Variants in CNPY1 observed in about 807,000 individuals in gnomAD.
The protein encoded by CNPY1 is canopy FGF signaling regulator 1.
Under a neutral mutation model 14.4 loss-of-function variants are expected in CNPY1, and 14 were observed. The observed-to-expected ratio is 0.97, with a 90% CI of 0.64 to 1.52. CNPY1 has a LOEUF of 1.52. Among genes scored for constraint, CNPY1 ranks in the 40% most tolerant of loss-of-function variants. The pLI is 0.00. For synonymous variants in CNPY1, 43 were observed against 46.5 expected (o/e 0.92, Z 0.31); for missense variants, 129 against 131.5 (o/e 0.98, Z 0.09).
intron 2 of CNPY1, among the ~76,000 whole-genome samples, chr7:155,535,498 G>A (rs979544155): frequency 2.0e-5 from 3 of 152,182 alleles, no homozygotes; most frequent in Non-Finnish European, 4.4e-5. Flanking sequence ...CTCAAGAAAT[G>A]TACAGAATCC....
chr7:155,534,329 ACG>A (rs1796995520), intron 2 of CNPY1, among the ~76,000 whole-genome samples: 1 of 79,012 alleles, frequency 1.3e-5, no homozygotes, highest in Admixed American at 1.2e-4. Context: ...ATGCACACAC[ACG>A]TGCACAGAGG....
chr7:155,539,955 G>A (rs1182089783), intron 2 of CNPY1, among the ~76,000 whole-genome samples: 1 of 152,122 alleles, frequency 6.6e-6, no homozygotes, highest in Non-Finnish European at 1.5e-5. Flanking sequence ...GAACTGCACC[G>A]TGAACACAGA....
intron 2 of CNPY1, among the ~76,000 whole-genome samples, chr7:155,533,090 C>A (rs1187625756): frequency 6.6e-6 from 1 of 152,244 alleles, no homozygotes; most frequent in Admixed American, 6.5e-5. Context: ...AGAGGATCTT[C>A]TATTGCAGTT....
At chr7:155,527,528 T>C (rs1161174624) in intron 2 of CNPY1, among the ~76,000 whole-genome samples, 1 of 144,214 alleles carries the variant, frequency 6.9e-6, no homozygotes, top group Non-Finnish European at 1.5e-5. Context: ...TGCAGCCTCG[T>C]CCTCTTGGGC....
intron 2 of CNPY1, among the ~76,000 whole-genome samples, chr7:155,516,512 C>T (rs1225475087): frequency 6.6e-6 from 1 of 152,118 alleles, no homozygotes; most frequent in Non-Finnish European, 1.5e-5. Flanking sequence ...AATAGGAACT[C>T]TCAGATGAGG....
intron 2 of CNPY1, among the ~76,000 whole-genome samples, chr7:155,514,041 G>A (rs1274856151): frequency 6.6e-6 from 1 of 152,212 alleles, no homozygotes; most frequent in African/African-American, 2.4e-5. Context: ...CCTCTTGGCT[G>A]TGCCCTCCGG....
At chr7:155,544,038 G>A (rs915987854) in intron 2 of CNPY1, among the ~76,000 whole-genome samples, 1 of 152,198 alleles carries the variant, frequency 6.6e-6, no homozygotes, top group Non-Finnish European at 1.5e-5. Context: ...TTTTCTCCAG[G>A]CAAACTTAAT....
At chr7:155,530,480 C>A (rs993173571) in intron 2 of CNPY1, among the ~76,000 whole-genome samples, 1 of 152,026 alleles carries the variant, frequency 6.6e-6, no homozygotes, top group Non-Finnish European at 1.5e-5. Context: ...ATGTGTACCA[C>A]CATGCCCAGC....
At chr7:155,519,018 A>C (rs1796670779) in intron 2 of CNPY1, among the ~76,000 whole-genome samples, 1 of 152,248 alleles carries the variant, frequency 6.6e-6, no homozygotes, top group Admixed American at 6.5e-5. Flanking sequence ...TCCTGGCTGC[A>C]AAATTTTTTG....
intron 1 of CNPY1, 38 bp downstream of exon 1, chr7:155,546,391 T>A (rs1797157292): frequency 2.5e-6 from 1 of 398,214 alleles, no homozygotes; most frequent in South Asian, 1.3e-4. Flanking sequence ...TCTCACTATG[T>A]TGCCCAGGTA....
chr7:155,507,095 A>C lies in CNPY1; in HGVS notation c.325T>G (p.Tyr109Asp). The stretch of plus-strand genomic sequence containing the variant: ...ATAAGTGAGGATATTTCATCTTCAT[A>C]CTCTTCTATTATAGTTTCACACTGT... The part of the protein sequence containing the change: ...KFACETIIEE[Y>D]EDEISSLIAQ... The change falls in exon 4 of 5, where the codon TAT becomes GAT. Residue 109 changes from tyrosine to aspartate, a missense_variant. Coordinates refer to ENST00000636446, the MANE Select transcript of CNPY1 (RefSeq NM_001393663.1). The C allele has an allele frequency of 1.2e-6, 2 of 1,606,660 alleles. No individual in the cohort carries two copies. The highest frequency in any genetic ancestry group is 1.7e-4 in the Middle Eastern group (1 of 6,048).
At chr7:155,523,196 A>T (rs560607004) in intron 2 of CNPY1, among the ~76,000 whole-genome samples, 6 of 152,334 alleles carry the variant, frequency 3.9e-5, no homozygotes, top group African/African-American at 1.4e-4. Context: ...TGCATTATGT[A>T]TTTAGACTTT....
At chr7:155,538,594 G>A (rs1188468884) in intron 2 of CNPY1, among the ~76,000 whole-genome samples, 3 of 152,272 alleles carry the variant, frequency 2.0e-5, no homozygotes, top group South Asian at 2.1e-4. Context: ...GGACGTCTGC[G>A]AATGCCCCAC....
intron 2 of CNPY1, among the ~76,000 whole-genome samples, chr7:155,528,998 T>A (rs1220210895): frequency 6.6e-6 from 1 of 151,838 alleles, no homozygotes; most frequent in Non-Finnish European, 1.5e-5. Flanking sequence ...AAGGCGGAGC[T>A]TGCAGTGAGC....
chr7:155,527,300 G>A (rs1796843988), intron 2 of CNPY1, among the ~76,000 whole-genome samples: 1 of 151,726 alleles, frequency 6.6e-6, no homozygotes, highest in Admixed American at 6.6e-5. Flanking sequence ...GCTGCCTGGT[G>A]TCTGAGCGAC....
intron 2 of CNPY1, among the ~76,000 whole-genome samples, chr7:155,519,987 A>G (rs1437561804): frequency 6.6e-6 from 1 of 152,126 alleles, no homozygotes; most frequent in East Asian, 1.9e-4. Flanking sequence ...AAAAATGATC[A>G]GTAACTCTGC....
intron 2 of CNPY1, among the ~76,000 whole-genome samples, chr7:155,522,565 AGG>A (rs1322258773): frequency 6.6e-6 from 1 of 152,236 alleles, no homozygotes; most frequent in African/African-American, 2.4e-5. Flanking sequence ...TCACAAAACC[AGG>A]TTAGATGCTG....
chr7:155,503,015 A>G lies in CNPY1; in HGVS notation c.*53T>C, dbSNP rs1296521723. ...CAACATGCAAACATAAAATGCAGAC[A>G]TTGACCTTTGGGTGTGACTTTACTC... On this transcript the variant is annotated 3_prime_UTR_variant, in exon 5 of 5. Coordinates refer to ENST00000636446, the MANE Select transcript of CNPY1 (RefSeq NM_001393663.1). 1 of 1,527,654 alleles carries G rather than the reference A, an allele frequency of 6.5e-7. No homozygotes were observed. Among genetic ancestry groups the G allele is most frequent in the African/African-American group, 1.4e-5 (1 of 72,060 alleles). 94.6% of individuals were successfully genotyped at this position (1,527,654 alleles called of 1,614,324 possible). A position where few individuals can be genotyped will look rare whatever the true frequency, so the allele number is the denominator to read the frequency against.
At chr7:155,521,105 A>T (rs149591946) in intron 2 of CNPY1, among the ~76,000 whole-genome samples, 1 of 151,924 alleles carries the variant, frequency 6.6e-6, no homozygotes, top group Non-Finnish European at 1.5e-5. Context: ...GAAGGAAGGA[A>T]GGCTGGCTCC....
Sources: allele counts gnomAD v4.1 joint callset (sites outside exome capture counted in the v4.1 genomes callset), GRCh38; gene constraint gnomAD v4.1.1; transcripts MANE v1.5; gene names NCBI Gene and HGNC (gene_info 2026-07-23, HGNC 2026-07-21).